Variants in CACNA2D3 observed in about 807,000 individuals in gnomAD.
CACNA2D3 encodes voltage-dependent calcium channel subunit alpha-2/delta-3.
In CACNA2D3, 60 loss-of-function variants were observed where a neutral mutation model predicts 160.6. The observed-to-expected ratio is 0.37, with a 90% CI of 0.30 to 0.46. The LOEUF (loss-of-function observed/expected upper bound fraction) is 0.46. CACNA2D3 is among the 20% of genes least tolerant of loss of function. CACNA2D3 has a pLI of 1.00. For missense variants in CACNA2D3, 1,205 were observed against 1,365.0 expected, an observed-to-expected ratio of 0.88 and a Z score of 1.85; for synonymous variants, 558 against 492.9, an observed-to-expected ratio of 1.13 and a Z score of -1.75.
Position 54,569,894 on chromosome 3 carries a change from G to C in CACNA2D3, c.737+39G>C, listed in dbSNP as rs183970474. 3 of 1,612,358 alleles carry C rather than the reference G, an allele frequency of 1.9e-6. No individual in the cohort carries two copies. The Admixed American group carries it at 5.0e-5, about 27-fold the overall frequency. On this transcript the variant is annotated intron_variant, in intron 7 of 37. Transcript: ENST00000474759. ...AGACCTCTTTGTTATTTCTCAAAGA[G>C]ATATCTTGAAGAGAAGTGAAGTCAG...
chr3:54,545,028 A>G (rs557521732), intron 5 of CACNA2D3, among the ~76,000 whole-genome samples: 29 of 152,310 alleles, frequency 1.9e-4, no homozygotes, highest in African/African-American at 6.7e-4. Flanking sequence ...TTAGTCATCA[A>G]ATGCGTTAGG....
At chr3:55,011,432 C>T (rs192052830) in intron 34 of CACNA2D3, among the ~76,000 whole-genome samples, 24 of 152,318 alleles carry the variant, frequency 1.6e-4, no homozygotes, top group African/African-American at 5.8e-4. Context: ...ATAGGATGAT[C>T]ATCACCAGGG....
intron 4 of CACNA2D3, among the ~76,000 whole-genome samples, chr3:54,413,430 A>C (rs560831169): frequency 6.8e-6 from 1 of 147,860 alleles, no homozygotes; most frequent in African/African-American, 2.5e-5. Flanking sequence ...ATATCTATAT[A>C]TATATATATC....
intron 2 of CACNA2D3, among the ~76,000 whole-genome samples, chr3:54,179,480 C>T (rs984714669): frequency 1.3e-5 from 2 of 152,188 alleles, no homozygotes; most frequent in Admixed American, 6.5e-5. Context: ...CAGCTGTCTA[C>T]GCCCTCATGC....
chr3:54,537,093 CAGAGAGAGAGAGAG>C (rs35469509), intron 5 of CACNA2D3, among the ~76,000 whole-genome samples: 1 of 148,440 alleles, frequency 6.7e-6, no homozygotes, highest in African/African-American at 2.5e-5. Flanking sequence ...GAAACCAAGG[CAGAGAGAGAGAGAG>C]AGAGAGAGAG....
intron 35 of CACNA2D3, among the ~76,000 whole-genome samples, chr3:55,027,196 A>G (rs900506098): frequency 6.6e-6 from 1 of 152,220 alleles, no homozygotes; most frequent in Non-Finnish European, 1.5e-5. Context: ...TAATGTTTAT[A>G]CAATATAAAA....
chr3:54,899,727 T>C, intron 26 of CACNA2D3, 61 bp from the exon 27 acceptor site: 6 of 1,211,368 alleles, frequency 5.0e-6, no homozygotes, highest in Non-Finnish European at 7.2e-6. Flanking sequence ...ATATGATTAC[T>C]CTCTTAACGT....
At position 54,370,421 on chromosome 3, in the gene CACNA2D3, G is replaced by A. The variant is rs118077611; in HGVS notation, c.322-16294G>A. ...TCATCTAGTTAATCTGAAATGGGTC[G>A]TTGTGCTAAAGACACATAAAAGATG... On this transcript the variant is annotated intron_variant, in intron 3 of 37. Coordinates refer to ENST00000474759, the MANE Select transcript of CACNA2D3 (RefSeq NM_018398.3). 3.2e-4 allele frequency among the ~76,000 whole-genome samples: 48 copies of A among 152,264 alleles called. No homozygotes were observed. The East Asian group carries it at 8.3e-3, about 26-fold the overall frequency.
chr3:54,784,464 C>G (rs538687575), intron 13 of CACNA2D3, among the ~76,000 whole-genome samples: 3 of 152,022 alleles, frequency 2.0e-5, no homozygotes, highest in African/African-American at 7.2e-5. Context: ...TAACCGAACT[C>G]TGTTTTGCTC....
chr3:54,319,157 GACACACACACACACACACACAC>G (rs58790730), intron 2 of CACNA2D3, among the ~76,000 whole-genome samples: 2 of 138,878 alleles, frequency 1.4e-5, no homozygotes, highest in Non-Finnish European at 3.1e-5. Context: ...AGCATTTTGT[GACACACACACACACACACACAC>G]ACACACACAC....
intron 11 of CACNA2D3, among the ~76,000 whole-genome samples, chr3:54,658,328 A>G (rs1699909288): frequency 6.6e-6 from 1 of 152,168 alleles, no homozygotes; most frequent in South Asian, 2.1e-4. Context: ...CCTTTTTCTC[A>G]TCAACACTTG....
intron 27 of CACNA2D3, among the ~76,000 whole-genome samples, chr3:54,968,036 AAC>A (rs1289317344): frequency 6.6e-6 from 1 of 152,218 alleles, no homozygotes; most frequent in Non-Finnish European, 1.5e-5. Context: ...ACGTCTCAAA[AAC>A]ACATGCAGAG....
chr3:54,515,268 GA>G (rs1451827083), intron 5 of CACNA2D3, among the ~76,000 whole-genome samples: 1 of 152,090 alleles, frequency 6.6e-6, no homozygotes, highest in Non-Finnish European at 1.5e-5. Context: ...GATTTCTGGA[GA>G]GATGTTCAGG....
chr3:54,652,467 CAG>C (rs1699789105), intron 11 of CACNA2D3, among the ~76,000 whole-genome samples: 2 of 152,100 alleles, frequency 1.3e-5, no homozygotes, highest in African/African-American at 4.8e-5. Context: ...GAACCTGAGA[CAG>C]AGAATGGGTA....
At chr3:54,260,178 C>T (rs1015256783) in intron 2 of CACNA2D3, among the ~76,000 whole-genome samples, 4 of 150,046 alleles carry the variant, frequency 2.7e-5, no homozygotes, top group Non-Finnish European at 4.5e-5. Context: ...ACTTTGGAGC[C>T]TCTTCTACTG....
chr3:54,156,512 C>G (rs1700247799), intron 2 of CACNA2D3, among the ~76,000 whole-genome samples: 1 of 152,216 alleles, frequency 6.6e-6, no homozygotes, highest in Admixed American at 6.5e-5. Context: ...ATTGGTCAGT[C>G]TTTTTGAGTC....
At chr3:54,265,190 CACTCCCACCA>C (rs1458460857) in intron 2 of CACNA2D3, among the ~76,000 whole-genome samples, 1 of 152,202 alleles carries the variant, frequency 6.6e-6, no homozygotes, top group Non-Finnish European at 1.5e-5. Flanking sequence ...AACTAATTTA[CACTCCCACCA>C]ACAGTGTTAA....
chr3:54,514,244 C>T (rs1261118920), intron 5 of CACNA2D3, among the ~76,000 whole-genome samples: 1 of 152,056 alleles, frequency 6.6e-6, no homozygotes, highest in African/African-American at 2.4e-5. Context: ...TGAGACAGTT[C>T]CACATTTAAT....
intron 5 of CACNA2D3, among the ~76,000 whole-genome samples, chr3:54,551,219 A>G (rs1702151474): frequency 1.3e-5 from 2 of 151,984 alleles, no homozygotes; most frequent in South Asian, 4.1e-4. Context: ...TGCCCACCCC[A>G]TGCCTCTGCG....
Sources: gnomAD v4.1 joint callset for allele counts (sites outside exome capture counted in the v4.1 genomes callset) on GRCh38, gnomAD v4.1.1 for gene constraint, MANE v1.5 for transcripts, NCBI Gene and HGNC (gene_info 2026-07-23, HGNC 2026-07-21) for gene names.